CNTNAP5: variants seen among roughly 807,000 people sequenced by gnomAD.
CNTNAP5 encodes the protein contactin associated protein family member 5.
Under a neutral mutation model 150.2 loss-of-function variants are expected in CNTNAP5, and 72 were observed. The observed-to-expected ratio is 0.48, with a 90% confidence interval of 0.40 to 0.58. The LOEUF (loss-of-function observed/expected upper bound fraction) is 0.58, where lower values mean the gene tolerates loss of function less well. Among genes scored for constraint, CNTNAP5 ranks in the 20% least tolerant of loss-of-function variants. The pLI is 0.00. For missense variants in CNTNAP5, 1,636 were observed against 1,626.2 expected (o/e 1.01, Z -0.10); for synonymous variants, 672 against 619.8 (o/e 1.08, Z -1.25).
chr2:124,233,791 A>ATC (rs1169472854), intron 2 of CNTNAP5, among the ~76,000 whole-genome samples: 2 of 150,418 alleles, frequency 1.3e-5, no homozygotes, highest in Non-Finnish European at 3.0e-5. Flanking sequence ...GAGTTTATAT[A>ATC]TATATATATA....
At chr2:124,713,942 T>A (rs746304421) in intron 13 of CNTNAP5, among the ~76,000 whole-genome samples, 1 of 152,116 alleles carries the variant, frequency 6.6e-6, no homozygotes, top group Non-Finnish European at 1.5e-5. Flanking sequence ...GCCTAATGAA[T>A]TACAGCCTCC....
At chr2:124,457,551 C>T (rs962449444) in intron 6 of CNTNAP5, among the ~76,000 whole-genome samples, 11 of 152,000 alleles carry the variant, frequency 7.2e-5, no homozygotes, top group African/African-American at 2.2e-4. Context: ...TATTAATCAA[C>T]TTTTATGTTA....
At chr2:124,549,651 T>C (rs1695587283) in intron 10 of CNTNAP5, among the ~76,000 whole-genome samples, 1 of 152,200 alleles carries the variant, frequency 6.6e-6, no homozygotes, top group Non-Finnish European at 1.5e-5. Flanking sequence ...AAGTTCTAGA[T>C]ACCCTGTTTT....
At chr2:124,247,916 G>T (rs376978781) in intron 3 of CNTNAP5, among the ~76,000 whole-genome samples, 27 of 152,240 alleles carry the variant, frequency 1.8e-4, no homozygotes, top group African/African-American at 6.5e-4. Flanking sequence ...TATTTGTCAG[G>T]ATTTTTTAAA....
intron 1 of CNTNAP5, among the ~76,000 whole-genome samples, chr2:124,077,010 C>T (rs909967415): frequency 6.6e-6 from 1 of 152,084 alleles, no homozygotes; most frequent in African/African-American, 2.4e-5. Context: ...ACTCTCATTA[C>T]CAACATCAGT....
chr2:124,031,486 A>G (rs901574812), intron 1 of CNTNAP5, among the ~76,000 whole-genome samples: 3 of 152,224 alleles, frequency 2.0e-5, no homozygotes, highest in African/African-American at 4.8e-5. Flanking sequence ...GCGGTTAGCT[A>G]TTAAAGGAAA....
intron 6 of CNTNAP5, among the ~76,000 whole-genome samples, chr2:124,447,930 G>A (rs931856267): frequency 5.3e-5 from 8 of 152,112 alleles, no homozygotes; most frequent in African/African-American, 1.9e-4. Flanking sequence ...TCAAGTGTTA[G>A]ATTTTCAGAA....
At chr2:124,903,725 A>G (rs1452143282) in intron 22 of CNTNAP5, among the ~76,000 whole-genome samples, 1 of 152,140 alleles carries the variant, frequency 6.6e-6, no homozygotes, top group Non-Finnish European at 1.5e-5. Flanking sequence ...ACAATACAGT[A>G]TGAATAACTG....
At chr2:124,768,636 G>A (rs1681120498) in intron 16 of CNTNAP5, among the ~76,000 whole-genome samples, 1 of 152,096 alleles carries the variant, frequency 6.6e-6, no homozygotes, top group African/African-American at 2.4e-5. Context: ...GGGTAGGCAG[G>A]ATGAACCTAG....
At chr2:124,910,775 C>T (rs938912620) in intron 22 of CNTNAP5, among the ~76,000 whole-genome samples, 1 of 151,944 alleles carries the variant, frequency 6.6e-6, no homozygotes, top group Non-Finnish European at 1.5e-5. Flanking sequence ...ATAGTGGCTA[C>T]TTATAAGTGT....
intron 16 of CNTNAP5, among the ~76,000 whole-genome samples, chr2:124,771,867 TACCATCACCATTACC>T (rs968889699): frequency 6.7e-6 from 1 of 149,452 alleles, no homozygotes; most frequent in Non-Finnish European, 1.5e-5. Context: ...GTGCCATCAC[TACCATCACCATTACC>T]ACCATCAGCA....
At chr2:124,329,525 T>C (rs1311228830) in intron 3 of CNTNAP5, among the ~76,000 whole-genome samples, 1 of 152,160 alleles carries the variant, frequency 6.6e-6, no homozygotes, top group Non-Finnish European at 1.5e-5. Context: ...GTGCTCAGCA[T>C]GCCAAAGCTC....
At chr2:124,605,167 C>A (rs1033663591) in intron 11 of CNTNAP5, among the ~76,000 whole-genome samples, 1 of 152,232 alleles carries the variant, frequency 6.6e-6, no homozygotes. Flanking sequence ...CACCACCCAG[C>A]CTGGCTGACC....
chr2:124,798,933 G>A (rs1430940376), intron 19 of CNTNAP5, among the ~76,000 whole-genome samples: 1 of 151,868 alleles, frequency 6.6e-6, no homozygotes, highest in Non-Finnish European at 1.5e-5. Flanking sequence ...TAGTACTATT[G>A]TTTCACAAAT....
chr2:124,128,575 A>C (rs767198546), intron 1 of CNTNAP5, among the ~76,000 whole-genome samples: 1 of 152,112 alleles, frequency 6.6e-6, no homozygotes, highest in Non-Finnish European at 1.5e-5. Flanking sequence ...ATACCCAAAG[A>C]ATGATAAATC....
chr2:124,612,755 T>C (rs1677413113), intron 12 of CNTNAP5, among the ~76,000 whole-genome samples: 1 of 152,144 alleles, frequency 6.6e-6, no homozygotes, highest in Non-Finnish European at 1.5e-5. Flanking sequence ...TTAAAATACC[T>C]GCAAAAATAA....
chr2:124,597,187 G>T (rs200254187), intron 11 of CNTNAP5, among the ~76,000 whole-genome samples: 80 of 141,510 alleles, frequency 5.7e-4, no homozygotes, highest in South Asian at 1.7e-3. Context: ...CTGTCATTAT[G>T]ATGTTAGCTG....
At chr2:124,296,361 G>A (rs912715704) in intron 3 of CNTNAP5, among the ~76,000 whole-genome samples, 59 of 152,178 alleles carry the variant, frequency 3.9e-4, no homozygotes, top group African/African-American at 1.2e-3. Context: ...GATGCAGAGC[G>A]GCTCTTAACT....
At chr2:124,687,876 A>T (rs1461739508) in intron 13 of CNTNAP5, among the ~76,000 whole-genome samples, 1 of 152,128 alleles carries the variant, frequency 6.6e-6, no homozygotes, top group Non-Finnish European at 1.5e-5. Flanking sequence ...CTGTTTTGTT[A>T]TACTGAGGTA....
Sources: allele counts gnomAD v4.1 joint callset (sites outside exome capture counted in the v4.1 genomes callset), GRCh38; gene constraint gnomAD v4.1.1; transcripts MANE v1.5; gene names NCBI Gene and HGNC (gene_info 2026-07-23, HGNC 2026-07-21).